CTNNA2: variants seen among roughly 807,000 people sequenced by gnomAD.
CTNNA2 encodes catenin alpha 2, also known as catenin alpha-2.
CTNNA2 carries 42 observed loss-of-function variants against 101.0 expected under a neutral mutation model. The observed-to-expected ratio is 0.42, with a 90% CI of 0.32 to 0.54. The LOEUF (loss-of-function observed/expected upper bound fraction) is 0.54, where lower values mean the gene tolerates loss of function less well. Ranked by LOEUF, CTNNA2 falls within the 20% of genes least tolerant of loss-of-function variation. CTNNA2 has a pLI of 0.14. For missense variants in CTNNA2, 871 were observed against 1,223.1 expected, an observed-to-expected ratio of 0.71 and a Z score of 4.29; for synonymous variants, 450 against 456.4, an observed-to-expected ratio of 0.99 and a Z score of 0.18.
chr2:80,554,115 A>C (rs993574930), intron 11 of CTNNA2, among the ~76,000 whole-genome samples: 2 of 152,192 alleles, frequency 1.3e-5, no homozygotes, highest in African/African-American at 4.8e-5. Context: ...CTTTATGAAA[A>C]GTCAGTTATA....
At chr2:79,321,618 G>A (rs975547160) in intron 3 of CTNNA2, among the ~76,000 whole-genome samples, 2 of 152,136 alleles carry the variant, frequency 1.3e-5, no homozygotes, top group African/African-American at 4.8e-5. Context: ...TAATTTTGAT[G>A]AAGGTCCTGT....
intron 12 of CTNNA2, among the ~76,000 whole-genome samples, chr2:80,569,791 C>A (rs1479633299): frequency 6.7e-6 from 1 of 148,886 alleles, no homozygotes; most frequent in South Asian, 2.2e-4. Flanking sequence ...TACAGGCACC[C>A]GCCACCACAC....
chr2:80,119,123 T>C (rs1701689498), intron 7 of CTNNA2, among the ~76,000 whole-genome samples: 1 of 152,206 alleles, frequency 6.6e-6, no homozygotes, highest in Non-Finnish European at 1.5e-5. Context: ...CCCTGACTTT[T>C]TCTAACCTCA....
At chr2:79,231,779 T>C (rs1023503646) in intron 2 of CTNNA2, among the ~76,000 whole-genome samples, 1 of 152,004 alleles carries the variant, frequency 6.6e-6, no homozygotes, top group African/African-American at 2.4e-5. Flanking sequence ...TTTACCTCCT[T>C]AGTAAGATAG....
intron 9 of CTNNA2, among the ~76,000 whole-genome samples, chr2:80,528,777 T>C (rs1476279378): frequency 6.6e-6 from 1 of 152,174 alleles, no homozygotes; most frequent in Non-Finnish European, 1.5e-5. Context: ...TTTGCCCAGA[T>C]TGGAGGGCTG....
At chr2:79,552,111 G>A (rs960067870) in intron 1 of CTNNA2, among the ~76,000 whole-genome samples, 21 of 152,060 alleles carry the variant, frequency 1.4e-4, no homozygotes, top group African/African-American at 5.1e-4. Flanking sequence ...AATCCCTTCT[G>A]CCTATGAGCC....
At chr2:79,512,566 C>T (rs1056773602), upstream of CTNNA2, among the ~76,000 whole-genome samples, 2 of 150,960 alleles carry the variant, frequency 1.3e-5, no homozygotes, top group African/African-American at 2.4e-5. Flanking sequence ...CACCCCTATC[C>T]CCCCCGCCCC....
intron 2 of CTNNA2, among the ~76,000 whole-genome samples, chr2:79,657,782 A>G (rs552766753): frequency 4.5e-4 from 68 of 151,952 alleles, no homozygotes; most frequent in South Asian, 3.1e-3. Flanking sequence ...ATGGTGGCCT[A>G]TATTTAGAAA....
chr2:79,467,108 T>A (rs1670946073), intron 4 of CTNNA2, among the ~76,000 whole-genome samples: 2 of 152,266 alleles, frequency 1.3e-5, no homozygotes, highest in Non-Finnish European at 1.5e-5. Flanking sequence ...AAACCCATCG[T>A]AAAGAAGCTA....
intron 7 of CTNNA2, among the ~76,000 whole-genome samples, chr2:80,341,559 A>T (rs1041026307): frequency 8.5e-5 from 13 of 152,210 alleles, no homozygotes; most frequent in Non-Finnish European, 1.5e-4. Flanking sequence ...CCATAGTGAG[A>T]TTCTACTTCA....
At chr2:79,293,845 T>G (rs913297924) in intron 2 of CTNNA2, among the ~76,000 whole-genome samples, 1 of 152,142 alleles carries the variant, frequency 6.6e-6, no homozygotes, top group African/African-American at 2.4e-5. Flanking sequence ...GAAATACAAA[T>G]AATTCACCTT....
chr2:79,488,387 A>G (rs985936535), intron 4 of CTNNA2, among the ~76,000 whole-genome samples: 4 of 151,180 alleles, frequency 2.6e-5, no homozygotes, highest in Non-Finnish European at 4.4e-5. Flanking sequence ...GTAGATTTCT[A>G]CTCATTCTGC....
intron 7 of CTNNA2, among the ~76,000 whole-genome samples, chr2:80,337,625 A>G (rs898209996): frequency 9.2e-5 from 14 of 151,882 alleles, no homozygotes; most frequent in African/African-American, 3.4e-4. Context: ...AAATACACAC[A>G]CACACCCCTC....
intron 4 of CTNNA2, among the ~76,000 whole-genome samples, chr2:79,504,236 C>G (rs1158348285): frequency 6.6e-6 from 1 of 151,628 alleles, no homozygotes; most frequent in South Asian, 2.1e-4. Flanking sequence ...TTTCCTTTAT[C>G]TCTTTTAATA....
At position 80,269,044 on chromosome 2, in the gene CTNNA2, G is replaced by A. The variant is rs773927684; in HGVS notation, c.1057-124167G>A. ...GCTGTCTGCTCAAGAAAGCAAGCAA[G>A]TTTTCATGACCATAACATAAAGTCA... is the stretch of plus-strand genomic sequence containing the variant. On this transcript the variant is annotated intron_variant, in intron 7 of 18. Transcript: ENST00000402739. Among the ~76,000 whole-genome samples, 31 of 152,332 alleles carry A rather than the reference G, an allele frequency of 2.0e-4. No individual in the cohort carries two copies. The Middle Eastern group carries it at 0.01, about 50-fold the overall frequency.
intron 7 of CTNNA2, among the ~76,000 whole-genome samples, chr2:80,136,091 G>A (rs143899094): frequency 1.8e-3 from 270 of 152,266 alleles, no homozygotes; most frequent in African/African-American, 6.4e-3. Flanking sequence ...ATGACAACGT[G>A]ATTCTTGGTT....
At chr2:79,959,052 T>C (rs948411057) in intron 7 of CTNNA2, among the ~76,000 whole-genome samples, 10 of 151,988 alleles carry the variant, frequency 6.6e-5, no homozygotes, top group African/African-American at 2.4e-4. Context: ...TAGCTCCGTT[T>C]TTTTTTCTTT....
intron 1 of CTNNA2, among the ~76,000 whole-genome samples, chr2:79,193,695 G>C (rs1673906888): frequency 6.6e-6 from 1 of 152,126 alleles, no homozygotes; most frequent in Non-Finnish European, 1.5e-5. Flanking sequence ...TACAAATGTA[G>C]CTTCAAGAAA....
intron 7 of CTNNA2, among the ~76,000 whole-genome samples, chr2:80,079,003 C>G (rs999665429): frequency 6.6e-6 from 1 of 152,088 alleles, no homozygotes; most frequent in African/African-American, 2.4e-5. Flanking sequence ...ATGCTTTGCC[C>G]TACCTTTGAG....
Sources: gnomAD v4.1 joint callset for allele counts (sites outside exome capture counted in the v4.1 genomes callset) on GRCh38, gnomAD v4.1.1 for gene constraint, MANE v1.5 for transcripts, NCBI Gene and HGNC (gene_info 2026-07-23, HGNC 2026-07-21) for gene names.